Variants in BACH2 observed in about 807,000 individuals in gnomAD.
The protein encoded by BACH2 is BACH transcriptional regulator 2.
In BACH2, 5 loss-of-function variants were observed where a neutral mutation model predicts 61.8. That is an observed-to-expected ratio of 0.08 (90% CI 0.04 to 0.17). The LOEUF (loss-of-function observed/expected upper bound fraction) is 0.17. BACH2 is among the 10% of genes least tolerant of loss of function. The probability of loss-of-function intolerance (pLI) is 1.00; values close to 1 mark genes in which losing one functional copy is unlikely to be tolerated. For synonymous variants in BACH2, 446 were observed against 440.1 expected (o/e 1.01, Z -0.17); for missense variants, 824 against 1,091.1 (o/e 0.76, Z 3.45).
At chr6:89,947,483 A>AG (rs1266690075) in intron 7 of BACH2, among the ~76,000 whole-genome samples, 1 of 152,082 alleles carries the variant, frequency 6.6e-6, no homozygotes, top group Non-Finnish European at 1.5e-5. Flanking sequence ...TACCACTGAG[A>AG]GGGGCTATGT....
rs761407350 is a variant in BACH2 at position 90,266,152 on chromosome 6, TG to T, written c.-353+5696del. 8.5e-5 allele frequency among the ~76,000 whole-genome samples: 13 copies of T among 152,272 alleles called. No homozygotes were observed. In the East Asian group the frequency reaches 1.2e-3, roughly 14 times the overall value. ...TGGAGGAATAGCCATGAATGTTCCT[TG>T]CGGCCACTGCACCCATGGAGGCTAG... On this transcript the variant is annotated intron_variant, in intron 2 of 8. Coordinates refer to ENST00000257749, the MANE Select transcript of BACH2 (RefSeq NM_021813.4).
chr6:90,127,235 G>A (rs1582396563), intron 4 of BACH2, among the ~76,000 whole-genome samples: 1 of 152,252 alleles, frequency 6.6e-6, no homozygotes, highest in East Asian at 1.9e-4. Context: ...AAATGCGTCT[G>A]AGATTGTAAA....
At chr6:90,134,612 T>C (rs773164755) in intron 4 of BACH2, among the ~76,000 whole-genome samples, 1 of 152,186 alleles carries the variant, frequency 6.6e-6, no homozygotes, top group African/African-American at 2.4e-5. Context: ...AAACAGGCAG[T>C]GCATAGAATA....
chr6:89,950,332 C>T lies in BACH2; in HGVS notation c.1774G>A (p.Glu592Lys). The change falls in exon 7 of 9, where the codon GAA (glutamate) becomes AAA (lysine). Residue 592 changes from glutamate to lysine, a missense_variant. This residue lies in a region of BACH2 where 160 missense variants were observed against 283.5 expected (regional missense o/e 0.56). Transcript: ENST00000257749. This position sits in a 1 kb window ranked among gnomAD's most constrained non-coding sequence, Gnocchi z 5.3. Reference sequence around the variant, plus strand: ...TCTGCTTCCGAGAACGATCCGGATTCGTCACTGGAGTTGGTTCCATAAGAC... The same window carrying T: ...TCTGCTTCCGAGAACGATCCGGATTTGTCACTGGAGTTGGTTCCATAAGAC... ...EQSYGTNSSD[E>K]SGSFSEADSE... The T allele has an allele frequency of 6.2e-7, 1 of 1,614,130 alleles. No individual in the cohort carries two copies. Among genetic ancestry groups the T allele is most frequent in the Non-Finnish European group, 8.5e-7 (1 of 1,180,024 alleles).
intron 6 of BACH2, among the ~76,000 whole-genome samples, chr6:89,964,868 C>G (rs1393668316): frequency 6.6e-6 from 1 of 152,134 alleles, no homozygotes; most frequent in Non-Finnish European, 1.5e-5. Flanking sequence ...TCTAGATTTG[C>G]TTACAGACCT....
chr6:89,980,293 CAA>C (rs55688725), intron 6 of BACH2, among the ~76,000 whole-genome samples: 33 of 139,018 alleles, frequency 2.4e-4, no homozygotes, highest in Admixed American at 7.8e-4. Flanking sequence ...GACTCTGTCT[CAA>C]AAAAAAAAAA....
chr6:90,008,366 G>A lies in BACH2; in HGVS notation c.243+236C>T. 1.7e-6 allele frequency: 1 copy of A among 578,776 alleles called. No individual in the cohort carries two copies. The allele number at this position is 578,776 out of a possible 1,614,324, so 35.9% of individuals were successfully genotyped here. ...AGGGTAAGTGAACTAGAAACTACAA[G>A]TGACTGAGCCACAGGTGAGGTTCAG... On this transcript the variant is annotated intron_variant, in intron 6 of 8. Coordinates refer to ENST00000257749, the MANE Select transcript of BACH2 (RefSeq NM_021813.4). The surrounding 1 kb of genome is among the most constrained non-coding windows in gnomAD (Gnocchi z 4.1).
At chr6:90,144,523 CA>C (rs1784557221) in intron 4 of BACH2, among the ~76,000 whole-genome samples, 1 of 151,976 alleles carries the variant, frequency 6.6e-6, no homozygotes, top group Non-Finnish European at 1.5e-5. Context: ...GGGGTTGAGC[CA>C]AAAAAGGGAG....
intron 6 of BACH2, among the ~76,000 whole-genome samples, chr6:89,970,091 T>C (rs1775277019): frequency 6.6e-6 from 1 of 152,148 alleles, no homozygotes; most frequent in Non-Finnish European, 1.5e-5. Flanking sequence ...GAATGTTAGA[T>C]AAATAGGTGA....
chr6:90,132,258 C>T (rs576547684), intron 4 of BACH2, among the ~76,000 whole-genome samples: 1 of 152,268 alleles, frequency 6.6e-6, no homozygotes, highest in African/African-American at 2.4e-5. Flanking sequence ...ACTTGGTCTT[C>T]GTCTATTTTT....
intron 6 of BACH2, among the ~76,000 whole-genome samples, chr6:89,964,067 G>A (rs149950399): frequency 6.6e-6 from 1 of 152,022 alleles, no homozygotes; most frequent in Non-Finnish European, 1.5e-5. Context: ...GGGGTGGGAG[G>A]AGTGGGGAGG....
At position 89,951,774 on chromosome 6, in the gene BACH2, C is replaced by T. The variant is rs150524925; in HGVS notation, c.332G>A (p.Arg111His). 2.8e-4 allele frequency: 452 copies of T among 1,614,090 alleles called. No individual in the cohort carries two copies. The highest frequency in any genetic ancestry group is 3.7e-4 in the Non-Finnish European group (440 of 1,180,046). Residue 111 changes from arginine to histidine, a missense_variant, in exon 7 of 9, where the codon CGC becomes CAC. Transcript: ENST00000257749. The surrounding 1 kb of genome is among the most constrained non-coding windows in gnomAD (Gnocchi z 6.4). The part of the protein sequence containing the change: ...LSRENIREVI[R>H]CAEFLRMHNL... ...GTGCATGCGCAGGAACTCAGCACAG[C>T]GGATGACCTCGCGGATGTTTTCTCT...
At chr6:90,168,781 A>G (rs1194908279) in intron 4 of BACH2, among the ~76,000 whole-genome samples, 1 of 152,232 alleles carries the variant, frequency 6.6e-6, no homozygotes, top group East Asian at 1.9e-4. Flanking sequence ...ACTTGTTTAT[A>G]GAATGTATAC....
intron 6 of BACH2, among the ~76,000 whole-genome samples, chr6:89,992,412 GGGTGGATCCC>G (rs544137835): frequency 2.8e-3 from 420 of 152,264 alleles, no homozygotes; most frequent in African/African-American, 9.8e-3. Context: ...AGGCCAAGGC[GGGTGGATCCC>G]CTGAGGTCAG....
chr6:89,988,414 G>A (rs2128364710), intron 6 of BACH2, among the ~76,000 whole-genome samples: 1 of 152,218 alleles, frequency 6.6e-6, no homozygotes, highest in South Asian at 2.1e-4. Context: ...ATTTTCTTGG[G>A]CTTGACATAA....
intron 4 of BACH2, among the ~76,000 whole-genome samples, chr6:90,107,790 C>A (rs755953812): frequency 1.3e-5 from 2 of 151,348 alleles, no homozygotes; most frequent in Non-Finnish European, 2.9e-5. Context: ...TCTGTCTATT[C>A]ACTCGGTGGC....
In BACH2 at chr6:89,950,239, T is replaced by A; in HGVS notation, c.1836+31A>T. 6.2e-7 allele frequency: 1 copy of A among 1,612,952 alleles called. No homozygotes were observed. The highest frequency in any genetic ancestry group is 8.5e-7 in the Non-Finnish European group (1 of 1,179,078). On this transcript the variant is annotated intron_variant, in intron 7 of 8. Transcript: ENST00000257749. This position sits in a 1 kb window ranked among gnomAD's most constrained non-coding sequence, Gnocchi z 5.3. ...CCAGATAAAGGGCCTAGAGAGTGGGTCACATGCTTGAATTTATGTGGGTTC... is the reference window on the plus strand; with the variant it reads ...CCAGATAAAGGGCCTAGAGAGTGGGACACATGCTTGAATTTATGTGGGTTC...
intron 4 of BACH2, among the ~76,000 whole-genome samples, chr6:90,199,238 A>G (rs935778350): frequency 1.3e-5 from 2 of 152,350 alleles, no homozygotes; most frequent in East Asian, 3.9e-4. Flanking sequence ...CCATGCACAC[A>G]AAGAGAGAAC....
rs2128350743 is a variant in BACH2, at chr6:89,926,868, A to G, written c.*5540T>C. On this transcript the variant is annotated 3_prime_UTR_variant, in exon 9 of 9. Transcript: ENST00000257749. ...AATTAAATTACATTAATCGCATAGA[A>G]TCTGTGTAAAAAGTATGTAGAAAAA... 6.5e-6 allele frequency: 1 copy of G among 152,928 alleles called. No homozygotes were observed. The highest frequency in any genetic ancestry group is 2.1e-4 in the South Asian group (1 of 4,830). 9.5% of individuals were successfully genotyped at this position (152,928 alleles called of 1,614,324 possible).
Sources: gnomAD v4.1 joint callset for allele counts (sites outside exome capture counted in the v4.1 genomes callset) on GRCh38, gnomAD v4.1.1 for gene constraint, gnomAD v4.1.1 regional missense constraint, Gnocchi (gnomAD v3.1) non-coding constraint, MANE v1.5 for transcripts, NCBI Gene and HGNC (gene_info 2026-07-23, HGNC 2026-07-21) for gene names.